PKD1L3: variants seen among roughly 807,000 people sequenced by gnomAD.
PKD1L3 encodes the protein polycystin-1-like protein 3.
A neutral mutation model predicts 184.1 loss-of-function variants in PKD1L3; 239 were observed. That is an observed-to-expected ratio of 1.30 (90% CI 1.17 to 1.45). PKD1L3 has a LOEUF of 1.45. Among genes scored for constraint, PKD1L3 ranks in the 40% most tolerant of loss-of-function variants. PKD1L3 has a pLI of 0.00. For synonymous variants in PKD1L3, 996 were observed against 778.8 expected (o/e 1.28, Z -4.64); for missense variants, 2,660 against 2,067.2 (o/e 1.29, Z -5.56).
At chr16:71,962,219 C>T (rs1488930412) in intron 16 of PKD1L3, among the ~76,000 whole-genome samples, 6 of 152,000 alleles carry the variant, frequency 3.9e-5, no homozygotes, top group East Asian at 1.9e-4. Flanking sequence ...CCACCATGCC[C>T]GGCTAGGACA....
intron 14 of PKD1L3, 88 bp from the exon 15 acceptor site, chr16:71,967,403 A>C: frequency 3.1e-6 from 4 of 1,271,220 alleles, no homozygotes; most frequent in Non-Finnish European, 4.3e-6. Context: ...AAGACATAGA[A>C]AACTATTTAG....
rs1362677505 is a variant in PKD1L3, at chr16:71,952,882, T to C, written c.3009+12A>G. 2.6e-6 allele frequency: 4 copies of C among 1,530,030 alleles called. No homozygotes were observed. In the East Asian group the frequency reaches 9.9e-5, roughly 38 times the overall value. 94.8% of individuals were successfully genotyped at this position (1,530,030 alleles called of 1,614,324 possible). On this transcript the variant is annotated intron_variant, in intron 18 of 29. Transcript: ENST00000620267. The stretch of plus-strand genomic sequence containing the variant: ...TAAAATAAGATAAAATAAAATTTGA[T>C]ACCAATCTTACCTCAACTACCATTG...
rs75197322 is a variant in PKD1L3, at chr16:71,968,297, C to G, written c.2185-290G>C. Among the ~76,000 whole-genome samples the G allele has an allele frequency of 1.5e-3, 221 of 152,300 alleles. 4 individuals are homozygous for G. The East Asian group carries it at 0.039, about 27-fold the overall frequency. On this transcript the variant is annotated intron_variant, in intron 13 of 29. Transcript: ENST00000620267. ...CACCTCCTTCCCACTTAGGTACAGT[C>G]ACCAGATAACAGAGAATACCCAGCT...
chr16:71,973,483 A>T lies in PKD1L3; in HGVS notation c.1794T>A (p.His598Gln). The change falls in exon 12 of 30, where the codon CAT (histidine) becomes CAA (glutamine). Residue 598 changes from histidine to glutamine, a missense_variant. Transcript: ENST00000620267. ...AGTAGGTGCCAATCCCGTGCTGCAG[A>T]TGCTCTGGATTCAGCACCCACGTGT... ...EEYTWVLNPEHLQHGIGTYYI... is the reference protein window; with the variant it reads ...EEYTWVLNPEQLQHGIGTYYI... 1.3e-6 allele frequency: 2 copies of T among 1,551,876 alleles called. No individual in the cohort carries two copies. Among genetic ancestry groups the T allele is most frequent in the Non-Finnish European group, 1.7e-6 (2 of 1,147,064 alleles).
At chr16:71,968,795 C>T (rs189444822) in intron 13 of PKD1L3, among the ~76,000 whole-genome samples, 1 of 152,260 alleles carries the variant, frequency 6.6e-6, no homozygotes, top group East Asian at 1.9e-4. Flanking sequence ...AGGGTTTCAC[C>T]ATGTTGGCCA....
At chr16:71,976,960 G>C (rs2039948401) in intron 11 of PKD1L3, among the ~76,000 whole-genome samples, 1 of 152,082 alleles carries the variant, frequency 6.6e-6, no homozygotes, top group Admixed American at 6.5e-5. Context: ...AGCCAGGATG[G>C]TCTCGATCTC....
chr16:71,937,467 C>T, intron 24 of PKD1L3, 48 bp from the exon 25 acceptor site: 11 of 1,531,688 alleles, frequency 7.2e-6, no homozygotes, highest in Non-Finnish European at 9.6e-6. Flanking sequence ...AAACTTTTGC[C>T]CTCTTCTTGT....
At chr16:71,988,030 A>T (rs1265062236) in intron 4 of PKD1L3, among the ~76,000 whole-genome samples, 2 of 151,712 alleles carry the variant, frequency 1.3e-5, no homozygotes, top group Non-Finnish European at 2.9e-5. Flanking sequence ...TGTTATTTTT[A>T]ATGAGGCAGG....
rs533098305 is a variant in PKD1L3 at position 71,973,607 on chromosome 16, T to C, written c.1760-90A>G. The C allele has an allele frequency of 1.7e-5, 20 of 1,173,376 alleles. No individual in the cohort carries two copies. In the East Asian group the frequency reaches 4.9e-4, roughly 29 times the overall value. 72.7% of individuals were successfully genotyped at this position (1,173,376 alleles called of 1,614,324 possible). The stretch of plus-strand genomic sequence containing the variant: ...TCTAAAGGATCTATTATTAATATTT[T>C]ACAAATGAGACCATGATGAAACTAG... On this transcript the variant is annotated intron_variant, in intron 11 of 29. Coordinates refer to ENST00000620267, the MANE Select transcript of PKD1L3 (RefSeq NM_181536.2).
intron 1 of PKD1L3, among the ~76,000 whole-genome samples, chr16:71,999,270 CAA>C (rs371727093): frequency 1.1e-4 from 11 of 102,516 alleles, no homozygotes; most frequent in Non-Finnish European, 1.2e-4. Flanking sequence ...GACTCCATCT[CAA>C]AAAAAAAAAA....
chr16:71,998,407 C>T lies in PKD1L3; in HGVS notation c.296-13G>A, dbSNP rs1382533973. On this transcript the variant is annotated splice_polypyrimidine_tract_variant and intron_variant, in intron 1 of 29. Transcript: ENST00000620267. ...GCTGCAACGTCTGCTGAGGGGAGAT[C>T]AGACGCAGATGAGCCTCATACTCGA... is the stretch of plus-strand genomic sequence containing the variant. The T allele has an allele frequency of 6.5e-7, 1 of 1,543,254 alleles. No homozygotes were observed. The highest frequency in any genetic ancestry group is 1.4e-5 in the African/African-American group (1 of 72,288).
At chr16:71,976,637 GGC>G (rs1470912643) in intron 11 of PKD1L3, among the ~76,000 whole-genome samples, 1 of 152,118 alleles carries the variant, frequency 6.6e-6, no homozygotes, top group Non-Finnish European at 1.5e-5. Context: ...AAAAAAAAGT[GGC>G]CACATGAAGT....
intron 12 of PKD1L3, 122 bp downstream of exon 12, chr16:71,973,200 CAG>C: frequency 8.3e-7 from 1 of 1,199,156 alleles, no homozygotes. Flanking sequence ...TTTGCCCAGG[CAG>C]AGTTATTTCA....
At position 71,968,009 on chromosome 16, in the gene PKD1L3, T is replaced by C. The variant is rs1466448536; in HGVS notation, c.2185-2A>G. On this transcript the variant is annotated splice_acceptor_variant, in intron 13 of 29. Coordinates refer to ENST00000620267, the MANE Select transcript of PKD1L3 (RefSeq NM_181536.2). LOFTEE classifies it high-confidence loss of function. ...ATCAGCCAGGACAGTGACCTTCACC[T>C]GCAAGAAAAGCAGAACCATGCAACT... 2 of 1,550,362 alleles carry C rather than the reference T, an allele frequency of 1.3e-6. No individual in the cohort carries two copies. The highest frequency in any genetic ancestry group is 2.7e-5 in the African/African-American group (2 of 73,146).
rs955232064 is a variant in PKD1L3 at position 71,981,996 on chromosome 16, C to T, written c.1143+63G>A. 1.1e-4 allele frequency: 148 copies of T among 1,408,058 alleles called. No homozygotes were observed. The African/African-American group carries it at 1.9e-3, about 18-fold the overall frequency. The allele number at this position is 1,408,058 out of a possible 1,614,324, so 87.2% of individuals were successfully genotyped here. ...AAGGTCTGGGGAGAGGCTGTGATAC[C>T]TGGACCTGTCAAGATTAAAATGCTT... is the stretch of plus-strand genomic sequence containing the variant. On this transcript the variant is annotated intron_variant, in intron 7 of 29. Transcript: ENST00000620267.
chr16:71,968,618 C>T (rs554776579), intron 13 of PKD1L3, among the ~76,000 whole-genome samples: 11 of 152,236 alleles, frequency 7.2e-5, no homozygotes, highest in South Asian at 2.1e-4. Flanking sequence ...TTTTTTGAGA[C>T]GGAGTCTTGC....
intron 16 of PKD1L3, among the ~76,000 whole-genome samples, chr16:71,959,267 G>A (rs954078428): frequency 2.6e-5 from 4 of 151,602 alleles, no homozygotes; most frequent in Non-Finnish European, 2.9e-5. Context: ...AAAATTAGTC[G>A]GGCATGGTGG....
In PKD1L3 at chr16:71,980,096, C is replaced by T. The variant is rs745973325; in HGVS notation, c.1182G>A (p.Gly394=). ...GCTCTAGAAATGCTTCCCCGATATT[C>T]CCAAACTCCACCAAGGACATTTCCA... ...DILEMSLVEF[G]NIGEAFLEQN... The change falls in exon 8 of 30, where the codon GGG becomes GGA. Residue 394 remains glycine, a synonymous_variant. Coordinates refer to ENST00000620267, the MANE Select transcript of PKD1L3 (RefSeq NM_181536.2). The T allele has an allele frequency of 7.6e-5, 118 of 1,551,614 alleles. No homozygotes were observed. In the South Asian group the frequency reaches 9.0e-4, roughly 12 times the overall value.
At position 71,986,914 on chromosome 16, in the gene PKD1L3, A is replaced by ATTTTTTTTT. The variant is rs71153694; in HGVS notation, c.586-454_586-446dup. Among the ~76,000 whole-genome samples the ATTTTTTTTT allele has an allele frequency of 8.0e-4, 65 of 81,362 alleles. 13 individuals carry two copies. Among genetic ancestry groups the ATTTTTTTTT allele is most frequent in the African/African-American group, 3.6e-3 (64 of 17,818 alleles). The allele number at this position is 81,362 out of a possible 152,430, so 53.4% of individuals were successfully genotyped here. A position where few individuals can be genotyped will look rare whatever the true frequency, so the allele number is the denominator to read the frequency against. ...GAGGATGTTCAGTGGTAAGGAGAGG[A>ATTTTTTTTT]TTTTTTTTTTTTTTTTTTTTTTTTT... On this transcript the variant is annotated intron_variant, in intron 4 of 29. Transcript: ENST00000620267.
Sources: allele counts gnomAD v4.1 joint callset (sites outside exome capture counted in the v4.1 genomes callset), GRCh38; gene constraint gnomAD v4.1.1; transcripts MANE v1.5; gene names NCBI Gene and HGNC (gene_info 2026-07-23, HGNC 2026-07-21).